Variants in PELI2 observed in about 807,000 individuals in gnomAD.
The protein encoded by PELI2 is E3 ubiquitin-protein ligase pellino homolog 2.
In PELI2, 23 loss-of-function variants were observed where a neutral mutation model predicts 42.3. The ratio of observed to expected loss-of-function variants is 0.54; its 90% CI spans 0.39 to 0.77. The LOEUF is 0.77. Among genes scored for constraint, PELI2 ranks in the 30% least tolerant of loss-of-function variants. The pLI is 0.00. For missense variants in PELI2, 463 were observed against 553.2 expected (o/e 0.84, Z 1.64); for synonymous variants, 245 against 212.2 (o/e 1.15, Z -1.34).
At chr14:56,274,643 A>C (rs1345565037) in intron 2 of PELI2, among the ~76,000 whole-genome samples, 1 of 152,204 alleles carries the variant, frequency 6.6e-6, no homozygotes. Context: ...AAACTCCCTG[A>C]CATTAGTTTT....
chr14:56,212,843 C>T (rs748117138), intron 2 of PELI2, among the ~76,000 whole-genome samples: 2 of 152,210 alleles, frequency 1.3e-5, no homozygotes, highest in Admixed American at 6.5e-5. Flanking sequence ...GAGCACACAC[C>T]TGCCCCACAA....
chr14:56,159,804 A>G (rs1566612318), intron 1 of PELI2, among the ~76,000 whole-genome samples: 1 of 152,174 alleles, frequency 6.6e-6, no homozygotes, highest in Non-Finnish European at 1.5e-5. Context: ...GATTCCCAGT[A>G]CTTTGCCCAC....
chr14:56,212,940 T>C (rs951099090), intron 2 of PELI2, among the ~76,000 whole-genome samples: 5 of 131,552 alleles, frequency 3.8e-5, no homozygotes, highest in African/African-American at 1.8e-4. Flanking sequence ...AAAGCCAGGC[T>C]GTAGAGTGGG....
intron 1 of PELI2, among the ~76,000 whole-genome samples, chr14:56,158,588 C>T (rs1297098276): frequency 4.6e-5 from 7 of 152,088 alleles, no homozygotes. Flanking sequence ...CTCCTGGGTT[C>T]AAGCTGTCCA....
intron 1 of PELI2, among the ~76,000 whole-genome samples, chr14:56,125,643 A>G (rs956941176): frequency 3.9e-5 from 6 of 152,176 alleles, no homozygotes; most frequent in Non-Finnish European, 7.3e-5. Context: ...CAACGTATAT[A>G]AGCAATTTAC....
chr14:56,167,403 T>C (rs1293460235), intron 1 of PELI2, among the ~76,000 whole-genome samples: 1 of 152,212 alleles, frequency 6.6e-6, no homozygotes, highest in Non-Finnish European at 1.5e-5. Context: ...TTTTCAAATA[T>C]CCTGTCTTCA....
At chr14:56,186,753 T>C (rs973728511) in intron 2 of PELI2, among the ~76,000 whole-genome samples, 2 of 152,250 alleles carry the variant, frequency 1.3e-5, no homozygotes, top group Non-Finnish European at 1.5e-5. Flanking sequence ...ATTACTGATA[T>C]ACAGTAATTA....
chr14:56,296,903 G>A lies in PELI2; in HGVS notation c.1000G>A (p.Glu334Lys). Residue 334 changes from glutamate (E) to lysine (K), a missense_variant, in exon 6 of 6, where the codon GAG becomes AAG. This residue lies in a region of PELI2 where 103 missense variants were observed against 129.6 expected (regional missense o/e 0.80). Transcript: ENST00000267460. ...GAGTGACACGGAGGCCAACGAGAGG[G>A]AGTGTCCCATGTGCAGGACTGTGGG... is the stretch of plus-strand genomic sequence containing the variant. ...HRSDTEANER[E>K]CPMCRTVGPY... is the part of the protein sequence containing the mutation. The A allele has an allele frequency of 6.2e-7, 1 of 1,614,134 alleles. No homozygotes were observed. Among genetic ancestry groups the A allele is most frequent in the African/African-American group, 1.3e-5 (1 of 75,040 alleles).
intron 2 of PELI2, among the ~76,000 whole-genome samples, chr14:56,220,455 C>G (rs1447968580): frequency 6.6e-6 from 1 of 152,042 alleles, no homozygotes; most frequent in Admixed American, 6.5e-5. Context: ...AAAATTTTCA[C>G]CCTGGAAAAA....
chr14:56,268,646 A>G (rs975142224), intron 2 of PELI2, among the ~76,000 whole-genome samples: 12 of 152,192 alleles, frequency 7.9e-5, no homozygotes, highest in African/African-American at 2.9e-4. Flanking sequence ...ATGCTGTTTT[A>G]AAGAATGGGG....
intron 2 of PELI2, among the ~76,000 whole-genome samples, chr14:56,195,061 T>C (rs953142845): frequency 2.6e-5 from 4 of 152,358 alleles, no homozygotes; most frequent in East Asian, 1.9e-4. Flanking sequence ...TGCTCATTAA[T>C]TTAATGCTTT....
chr14:56,121,825 C>T lies in PELI2; in HGVS notation c.77+3088C>T, dbSNP rs1003675621. Among the ~76,000 whole-genome samples the T allele has an allele frequency of 2.0e-5, 3 of 152,288 alleles. No individual in the cohort carries two copies. The East Asian group carries it at 5.8e-4, about 29-fold the overall frequency. On this transcript the variant is annotated intron_variant, in intron 1 of 5. Coordinates refer to ENST00000267460, the MANE Select transcript of PELI2 (RefSeq NM_021255.3). ...CTGGTCTGTGCTCAGTAATTCTGTT[C>T]ATTGGCGCAAATGTAGAAACTATTT...
chr14:56,234,183 G>C (rs1887695218), intron 2 of PELI2, among the ~76,000 whole-genome samples: 1 of 152,222 alleles, frequency 6.6e-6, no homozygotes, highest in African/African-American at 2.4e-5. Flanking sequence ...CATTGTGGGA[G>C]ACAGTGTGGC....
At chr14:56,263,097 C>T (rs530512205) in intron 2 of PELI2, among the ~76,000 whole-genome samples, 11 of 152,114 alleles carry the variant, frequency 7.2e-5, no homozygotes, top group African/African-American at 2.4e-4. Context: ...GCTGGGATTA[C>T]GGGCGCCTGC....
intron 2 of PELI2, among the ~76,000 whole-genome samples, chr14:56,210,724 T>G (rs553873366): frequency 6.6e-6 from 1 of 152,268 alleles, no homozygotes; most frequent in African/African-American, 2.4e-5. Context: ...CCACATGTGT[T>G]GAAGTTTCCC....
At chr14:56,222,264 T>C (rs1377453207) in intron 2 of PELI2, among the ~76,000 whole-genome samples, 2 of 152,224 alleles carry the variant, frequency 1.3e-5, no homozygotes, top group Non-Finnish European at 2.9e-5. Flanking sequence ...ATTTCGTAGC[T>C]GTGATTCGTT....
chr14:56,238,154 G>A (rs183636197), intron 2 of PELI2, among the ~76,000 whole-genome samples: 37 of 152,124 alleles, frequency 2.4e-4, no homozygotes, highest in Admixed American at 9.2e-4. Context: ...CCTATTGTCA[G>A]TCAGTTCTGC....
At chr14:56,118,998 C>T in intron 1 of PELI2, 1 of 216,010 alleles carries the variant, frequency 4.6e-6, no homozygotes, top group Non-Finnish European at 9.1e-6. Context: ...CTCGGGCGAC[C>T]CAGCGGGGGC....
At chr14:56,287,583 T>C (rs1414140836) in intron 3 of PELI2, among the ~76,000 whole-genome samples, 1 of 152,196 alleles carries the variant, frequency 6.6e-6, no homozygotes, top group Non-Finnish European at 1.5e-5. Flanking sequence ...TCTGTTCAAA[T>C]TGTTAAGTTT....
Sources: allele counts gnomAD v4.1 joint callset (sites outside exome capture counted in the v4.1 genomes callset), GRCh38; gene constraint gnomAD v4.1.1; regional missense constraint gnomAD v4.1.1; transcripts MANE v1.5; gene names NCBI Gene and HGNC (gene_info 2026-07-23, HGNC 2026-07-21).